Variants in CRIM1 observed in about 807,000 individuals in gnomAD.
CRIM1 encodes cysteine rich transmembrane BMP regulator 1.
In CRIM1, 32 loss-of-function variants were observed where a neutral mutation model predicts 116.4. The ratio of observed to expected loss-of-function variants is 0.27; its 90% CI spans 0.21 to 0.37. CRIM1 has a LOEUF of 0.37. Ranked by LOEUF, CRIM1 falls within the 10% of genes least tolerant of loss-of-function variation. The pLI, the probability that CRIM1 is intolerant of heterozygous loss-of-function variation, is 1.00. For synonymous variants in CRIM1, 590 were observed against 509.2 expected (o/e 1.16, Z -2.13); for missense variants, 1,331 against 1,354.8 (o/e 0.98, Z 0.28).
chr2:36,356,504 A>G lies in CRIM1; in HGVS notation c.212A>G (p.Asn71Ser). ...TGCTACACGTGCGCCAGCCAGAGGA[A>G]CGAGAGCTGCGGCGGCACCTTCGGG... ...GCCYTCASQR[N>S]ESCGGTFGIY... Residue 71 changes from asparagine (N) to serine (S), a missense_variant, in exon 1 of 17, where the codon AAC becomes AGC. By Grantham distance (46) the Asn-to-Ser change is conservative. Around this residue, in one of 3 missense-constraint regions of CRIM1, gnomAD observed 690 missense variants for 676.0 expected, o/e 1.02. Transcript: ENST00000280527. This position sits in a 1 kb window ranked among gnomAD's most constrained non-coding sequence, Gnocchi z 4.3. 1 of 1,612,712 alleles carries G rather than the reference A, an allele frequency of 6.2e-7. No homozygotes were observed.
At chr2:36,369,476 G>A (rs1208204701) in intron 1 of CRIM1, among the ~76,000 whole-genome samples, 1 of 152,218 alleles carries the variant, frequency 6.6e-6, no homozygotes, top group East Asian at 1.9e-4. Context: ...AGAAGGTGGT[G>A]CAAGAGTCAA....
chr2:36,379,989 AT>A (rs1459804454), intron 1 of CRIM1, among the ~76,000 whole-genome samples: 1 of 151,584 alleles, frequency 6.6e-6, no homozygotes, highest in East Asian at 1.9e-4. Flanking sequence ...ACTCAGGGAT[AT>A]TTTCTCCATG....
At chr2:36,383,804 A>T (rs966135778) in intron 1 of CRIM1, among the ~76,000 whole-genome samples, 34 of 152,288 alleles carry the variant, frequency 2.2e-4, no homozygotes, top group African/African-American at 8.2e-4. Context: ...GACCGGAGGA[A>T]AAAAAAGTGT....
intron 8 of CRIM1, among the ~76,000 whole-genome samples, chr2:36,508,753 GC>G (rs1410711649): frequency 6.6e-6 from 1 of 151,936 alleles, no homozygotes; most frequent in Non-Finnish European, 1.5e-5. Context: ...TCTCTCGTAA[GC>G]CCTATATAAC....
chr2:36,501,672 T>C (rs576645611), intron 8 of CRIM1, among the ~76,000 whole-genome samples: 34 of 152,212 alleles, frequency 2.2e-4, no homozygotes, highest in African/African-American at 7.7e-4. Context: ...CAGCTAGCTG[T>C]GATTGTGCCA....
intron 14 of CRIM1, among the ~76,000 whole-genome samples, chr2:36,543,710 CCT>C (rs1325357571): frequency 6.7e-6 from 1 of 149,374 alleles, no homozygotes. Flanking sequence ...TTTAAAAAGA[CCT>C]GATATTTGAG....
Position 36,476,881 on chromosome 2 carries a change from C to G in CRIM1, c.992-8C>G, listed in dbSNP as rs764859631. On this transcript the variant is annotated splice_region_variant and splice_polypyrimidine_tract_variant and intron_variant, in intron 5 of 16. Coordinates refer to ENST00000280527, the MANE Select transcript of CRIM1 (RefSeq NM_016441.3). Reference sequence around the variant, plus strand: ...CAAATATGCCTTGTTTGTTTTAACTCTTTTCAGATACAAAGCCAGCCTGCG... The same window carrying G: ...CAAATATGCCTTGTTTGTTTTAACTGTTTTCAGATACAAAGCCAGCCTGCG... The G allele has an allele frequency of 6.2e-7, 1 of 1,604,708 alleles. No homozygotes were observed. The highest frequency in any genetic ancestry group is 1.3e-5 in the African/African-American group (1 of 74,522).
chr2:36,529,357 T>C, intron 13 of CRIM1: 1 of 258,370 alleles, frequency 3.9e-6, no homozygotes, highest in Non-Finnish European at 8.2e-6. Flanking sequence ...GTTAAGGTTT[T>C]CTTAACAAGA....
intron 2 of CRIM1, among the ~76,000 whole-genome samples, chr2:36,439,645 C>T (rs1186112148): frequency 1.3e-5 from 2 of 152,106 alleles, no homozygotes; most frequent in Non-Finnish European, 2.9e-5. Context: ...AAAGTATCTC[C>T]GTGGCTCGTC....
chr2:36,375,452 T>A (rs903744713), intron 1 of CRIM1, among the ~76,000 whole-genome samples: 13 of 152,210 alleles, frequency 8.5e-5, no homozygotes, highest in Admixed American at 6.5e-5. Flanking sequence ...CAAAGCAAAT[T>A]GCATAAACGG....
At chr2:36,389,245 G>A (rs948442779) in intron 1 of CRIM1, among the ~76,000 whole-genome samples, 5 of 152,342 alleles carry the variant, frequency 3.3e-5, no homozygotes, top group Admixed American at 1.3e-4. Flanking sequence ...TGGGAACATA[G>A]GCCTTAAGCT....
chr2:36,459,085 C>CT (rs1258633534), intron 4 of CRIM1, among the ~76,000 whole-genome samples: 2 of 152,086 alleles, frequency 1.3e-5, no homozygotes, highest in South Asian at 2.1e-4. Context: ...TTGTTTTTTG[C>CT]TTTTTTGTTT....
In CRIM1 at chr2:36,429,508, T is replaced by C. The variant is rs370523575; in HGVS notation, c.506-11750T>C. Among the ~76,000 whole-genome samples the C allele has an allele frequency of 1.1e-4, 16 of 152,266 alleles. No homozygotes were observed. In the East Asian group the frequency reaches 1.5e-3, roughly 15 times the overall value. On this transcript the variant is annotated intron_variant, in intron 2 of 16. Transcript: ENST00000280527. ...ATGAGATTGGCGGGGACGGCTCTTG[T>C]TCAGGTCCATCAAGACTGTCGCTGT...
intron 4 of CRIM1, among the ~76,000 whole-genome samples, chr2:36,446,359 A>C (rs530786274): frequency 6.6e-6 from 1 of 152,350 alleles, no homozygotes; most frequent in South Asian, 2.1e-4. Flanking sequence ...CTATTCATCA[A>C]ACATGAATTG....
At chr2:36,502,658 G>T (rs950416916) in intron 8 of CRIM1, among the ~76,000 whole-genome samples, 9 of 152,164 alleles carry the variant, frequency 5.9e-5, no homozygotes, top group African/African-American at 2.2e-4. Context: ...AAACACTCAT[G>T]AAATATCACT....
At chr2:36,413,438 A>G (rs1673361181) in intron 2 of CRIM1, among the ~76,000 whole-genome samples, 1 of 152,080 alleles carries the variant, frequency 6.6e-6, no homozygotes, top group African/African-American at 2.4e-5. Context: ...TTTTTTTCAC[A>G]GTACAGTCAA....
intron 2 of CRIM1, among the ~76,000 whole-genome samples, chr2:36,435,910 C>A (rs770560960): frequency 8.1e-6 from 1 of 123,284 alleles, no homozygotes; most frequent in Non-Finnish European, 1.6e-5. Flanking sequence ...TTTGGTCTTT[C>A]TATATCTGGG....
chr2:36,541,398 T>G (rs1337719777), intron 14 of CRIM1, among the ~76,000 whole-genome samples: 1 of 152,194 alleles, frequency 6.6e-6, no homozygotes, highest in Non-Finnish European at 1.5e-5. Context: ...ACAGAACCTA[T>G]GAGCTGTTAG....
chr2:36,506,220 G>C (rs1345929282), intron 8 of CRIM1, among the ~76,000 whole-genome samples: 1 of 144,508 alleles, frequency 6.9e-6, no homozygotes, highest in Admixed American at 6.9e-5. Context: ...CACACACTCA[G>C]ATTAGGACCA....
Sources: allele counts gnomAD v4.1 joint callset (sites outside exome capture counted in the v4.1 genomes callset), GRCh38; gene constraint gnomAD v4.1.1; regional missense constraint gnomAD v4.1.1; non-coding constraint Gnocchi (gnomAD v3.1); transcripts MANE v1.5; gene names NCBI Gene and HGNC (gene_info 2026-07-23, HGNC 2026-07-21).